VWA5B1: variants seen among roughly 807,000 people sequenced by gnomAD.
VWA5B1 encodes von Willebrand factor A domain-containing protein 5B1.
In VWA5B1, 115 loss-of-function variants were observed where a neutral mutation model predicts 118.2. The observed-to-expected ratio is 0.97, with a 90% CI of 0.84 to 1.14. The LOEUF (loss-of-function observed/expected upper bound fraction) is 1.14, where lower values mean the gene tolerates loss of function less well. Ranked by LOEUF, VWA5B1 falls within the 50% of genes most tolerant of loss-of-function variation. The probability of loss-of-function intolerance (pLI) is 0.00; values close to 1 mark genes in which losing one functional copy is unlikely to be tolerated. For missense variants in VWA5B1, 1,596 were observed against 1,603.8 expected (o/e 1.00, Z 0.08); for synonymous variants, 682 against 658.4 (o/e 1.04, Z -0.55).
intron 1 of VWA5B1, among the ~76,000 whole-genome samples, chr1:20,298,608 C>G (rs2088450384): frequency 6.6e-6 from 1 of 152,136 alleles, no homozygotes; most frequent in African/African-American, 2.4e-5. Context: ...GCGAGCTCTA[C>G]TTCTGTGCCC....
intron 1 of VWA5B1, among the ~76,000 whole-genome samples, chr1:20,292,991 G>A (rs569773964): frequency 6.6e-6 from 1 of 152,336 alleles, no homozygotes; most frequent in East Asian, 1.9e-4. Flanking sequence ...CACAGAAAAT[G>A]GGGTGAAGAC....
intron 7 of VWA5B1, among the ~76,000 whole-genome samples, chr1:20,322,412 G>A (rs1290154156): frequency 6.6e-6 from 1 of 152,128 alleles, no homozygotes; most frequent in Non-Finnish European, 1.5e-5. Flanking sequence ...AAGGGGAGGG[G>A]GAGAAGCAAG....
Position 20,353,953 on chromosome 1 carries a change from A to G in VWA5B1, c.3338A>G (p.Asp1113Gly), listed in dbSNP as rs1466754559. ...TSSPPRHPSCDSFSLEPLAKG... is the reference protein window; with the variant it reads ...TSSPPRHPSCGSFSLEPLAKG... ...TCCCCGCCTAGGCACCCGTCCTGTGACAGCTTCTCCCTGGAGCCTCTGGCC... is the reference window on the plus strand; with the variant it reads ...TCCCCGCCTAGGCACCCGTCCTGTGGCAGCTTCTCCCTGGAGCCTCTGGCC... Residue 1113 changes from aspartate (D) to glycine (G), a missense_variant, in exon 22 of 22, where the codon GAC (aspartate) becomes GGC (glycine). Physicochemically the swap from Asp to Gly is moderately conservative, Grantham distance 94 (BLOSUM62 -1). Transcript: ENST00000289815. 6.4e-7 allele frequency: 1 copy of G among 1,551,366 alleles called. No individual in the cohort carries two copies. Among genetic ancestry groups the G allele is most frequent in the Non-Finnish European group, 8.7e-7 (1 of 1,146,878 alleles).
intron 8 of VWA5B1, 84 bp from the exon 9 acceptor site, chr1:20,327,806 G>T: frequency 8.5e-7 from 1 of 1,177,140 alleles, no homozygotes; most frequent in East Asian, 2.6e-5. Context: ...CTGCTCGTGT[G>T]CTGGGAAAGG....
chr1:20,342,437 G>A lies in VWA5B1; in HGVS notation c.2139G>A (p.Leu713=), dbSNP rs752136705. 1.0e-5 allele frequency: 16 copies of A among 1,550,822 alleles called. No homozygotes were observed. The South Asian group carries it at 1.9e-4, about 18-fold the overall frequency. The stretch of plus-strand genomic sequence containing the variant: ...TTCTCCTCTTCCATCCCTAGCCCTT[G>A]CTGAACAGTGGTCAGGACCTGAACC... The part of the protein sequence containing the change: ...VQRWQIDLQP[L]LNSGQDLNQG... Residue 713 remains leucine, a synonymous_variant, in exon 15 of 22, where the codon TTG becomes TTA. Transcript: ENST00000289815.
chr1:20,312,706 G>T, intron 2 of VWA5B1, 130 bp from the exon 3 acceptor site: 2 of 1,271,362 alleles, frequency 1.6e-6, no homozygotes, highest in Non-Finnish European at 1.0e-6. Flanking sequence ...CTCTGCCGAG[G>T]CCTCTCGGCA....
At chr1:20,310,863 A>G in intron 2 of VWA5B1, 123 bp downstream of exon 2, 1 of 1,319,792 alleles carries the variant, frequency 7.6e-7, no homozygotes. Context: ...CTGTTTCCTC[A>G]TCTATAAAAT....
At chr1:20,329,577 T>C (rs1362378307) in intron 9 of VWA5B1, among the ~76,000 whole-genome samples, 1 of 152,106 alleles carries the variant, frequency 6.6e-6, no homozygotes, top group Non-Finnish European at 1.5e-5. Flanking sequence ...CCAAACATGC[T>C]GTTACTTCTA....
At chr1:20,333,509 C>T (rs2089630660) in intron 12 of VWA5B1, among the ~76,000 whole-genome samples, 1 of 152,200 alleles carries the variant, frequency 6.6e-6, no homozygotes, top group Non-Finnish European at 1.5e-5. Context: ...CCCTAGCTTC[C>T]ACCCAGGTCT....
intron 1 of VWA5B1, among the ~76,000 whole-genome samples, chr1:20,298,811 G>A (rs1377897172): frequency 1.3e-5 from 2 of 152,144 alleles, no homozygotes; most frequent in Non-Finnish European, 2.9e-5. Context: ...GGTTCAGTCT[G>A]TGTTGCTGAC....
At position 20,332,923 on chromosome 1, in the gene VWA5B1, C is replaced by T. The variant is rs139842916; in HGVS notation, c.1730C>T (p.Ala577Val). Reference sequence around the variant, plus strand: ...GTGGGGTATGGCATTGTATGTGATGCTTCTTTGCACATCTCCAATCCCAGA... The same window carrying T: ...GTGGGGTATGGCATTGTATGTGATGTTTCTTTGCACATCTCCAATCCCAGA... ...RLVGYGIVCD[A>V]SLHISNPRSD... The change falls in exon 12 of 22, where the codon GCT becomes GTT. Residue 577 changes from alanine (A) to valine (V), a missense_variant. Coordinates refer to ENST00000289815, the MANE Select transcript of VWA5B1 (RefSeq NM_001039500.3). 38 of 1,551,900 alleles carry T rather than the reference C, an allele frequency of 2.4e-5. No homozygotes were observed. Among genetic ancestry groups the T allele is most frequent in the Non-Finnish European group, 3.1e-5 (35 of 1,147,038 alleles).
chr1:20,338,458 T>C, intron 14 of VWA5B1: 1 of 172,160 alleles, frequency 5.8e-6, no homozygotes, highest in African/African-American at 2.4e-5. Context: ...CAAGCAATTC[T>C]CATGCCTCAG....
chr1:20,346,873 TC>T, intron 17 of VWA5B1, among the ~76,000 whole-genome samples: 1 of 152,178 alleles, frequency 6.6e-6, no homozygotes, highest in East Asian at 1.9e-4. Context: ...ATTCCACCTG[TC>T]CCCCTTTTCT....
intron 8 of VWA5B1, among the ~76,000 whole-genome samples, chr1:20,324,992 C>T (rs1159998824): frequency 1.3e-5 from 2 of 152,288 alleles, no homozygotes; most frequent in South Asian, 4.1e-4. Context: ...TTTATCAGTT[C>T]GTAAGATGTC....
At chr1:20,343,058 C>A in intron 15 of VWA5B1, 21 bp from the exon 16 acceptor site, 1 of 1,493,802 alleles carries the variant, frequency 6.7e-7, no homozygotes, top group Non-Finnish European at 9.0e-7. Flanking sequence ...GCGCTTGGCC[C>A]ACTTGTCCCT....
intron 10 of VWA5B1, 119 bp from the exon 11 acceptor site, chr1:20,330,750 A>C (rs1453260229): frequency 9.9e-7 from 1 of 1,011,340 alleles, no homozygotes; most frequent in Non-Finnish European, 1.5e-6. Flanking sequence ...CTCTCCCTCT[A>C]CCTGAATATA....
intron 14 of VWA5B1, among the ~76,000 whole-genome samples, chr1:20,340,345 TTTGA>T (rs1372443093): frequency 9.9e-5 from 15 of 152,162 alleles, no homozygotes; most frequent in African/African-American, 2.9e-4. Flanking sequence ...AATCCTAGTG[TTTGA>T]TTGGGCAAGG....
chr1:20,312,888 A>G lies in VWA5B1; in HGVS notation c.192A>G (p.Ala64=). Residue 64 remains alanine, a synonymous_variant, in exon 3 of 22, where the codon GCA becomes GCG. Coordinates refer to ENST00000289815, the MANE Select transcript of VWA5B1 (RefSeq NM_001039500.3). ...GCACCACGGTGATCGGCTTTGAGGC[A>G]GTCATTGCCGACCGTGTCGTGACAG... ...DECTTVIGFE[A]VIADRVVTVQ... The G allele has an allele frequency of 1.3e-6, 2 of 1,551,682 alleles. No individual in the cohort carries two copies. The highest frequency in any genetic ancestry group is 1.7e-6 in the Non-Finnish European group (2 of 1,146,980).
At chr1:20,344,187 A>G (rs564099396) in intron 16 of VWA5B1, among the ~76,000 whole-genome samples, 99 of 142,010 alleles carry the variant, frequency 7.0e-4, no homozygotes, top group African/African-American at 2.4e-3. Context: ...TTCCACCCCC[A>G]TTCAGTGACC....
Sources: gnomAD v4.1 joint callset for allele counts (sites outside exome capture counted in the v4.1 genomes callset) on GRCh38, gnomAD v4.1.1 for gene constraint, MANE v1.5 for transcripts, NCBI Gene and HGNC (gene_info 2026-07-23, HGNC 2026-07-21) for gene names.